The following LYPD6B variants were observed in gnomAD, a reference collection of about 807,000 sequenced individuals.
The protein encoded by LYPD6B is ly6/PLAUR domain-containing protein 6B.
A neutral mutation model predicts 22.8 loss-of-function variants in LYPD6B; 17 were observed. The observed-to-expected ratio is 0.75, with a 90% CI of 0.51 to 1.12. LYPD6B has a LOEUF of 1.12. Ranked by LOEUF, LYPD6B falls within the 50% of genes most tolerant of loss-of-function variation. The probability of loss-of-function intolerance (pLI) is 0.00; values close to 1 mark genes in which losing one functional copy is unlikely to be tolerated. For missense variants in LYPD6B, 221 were observed against 258.3 expected, an observed-to-expected ratio of 0.86 and a Z score of 0.99; for synonymous variants, 106 against 91.6, an observed-to-expected ratio of 1.16 and a Z score of -0.90.
At chr2:149,103,020 T>C (rs1451222866) in intron 1 of LYPD6B, among the ~76,000 whole-genome samples, 12 of 152,198 alleles carry the variant, frequency 7.9e-5, no homozygotes, top group Non-Finnish European at 1.5e-4. Flanking sequence ...TTCCCACACA[T>C]GAATATACTT....
intron 2 of LYPD6B, among the ~76,000 whole-genome samples, chr2:149,157,576 T>G (rs1168301659): frequency 6.6e-6 from 1 of 152,190 alleles, no homozygotes; most frequent in East Asian, 1.9e-4. Context: ...AATGGTTGTT[T>G]TTTGTTGACT....
chr2:149,056,149 G>A (rs565016432), intron 1 of LYPD6B, among the ~76,000 whole-genome samples: 1 of 152,318 alleles, frequency 6.6e-6, no homozygotes, highest in Non-Finnish European at 1.5e-5. Flanking sequence ...GTAACACATA[G>A]GTGCCAAGGA....
chr2:149,066,748 T>G (rs950562079), intron 1 of LYPD6B, among the ~76,000 whole-genome samples: 1 of 152,054 alleles, frequency 6.6e-6, no homozygotes, highest in African/African-American at 2.4e-5. Context: ...CTCCCTTCTC[T>G]TCTCTTCTCT....
chr2:149,164,918 A>T (rs1447072001), intron 3 of LYPD6B, among the ~76,000 whole-genome samples: 1 of 152,232 alleles, frequency 6.6e-6, no homozygotes. Flanking sequence ...ACCACCTCAT[A>T]CATAGTGGCT....
intron 1 of LYPD6B, among the ~76,000 whole-genome samples, chr2:149,097,675 T>G (rs2377509): frequency 1.3e-5 from 2 of 151,968 alleles, no homozygotes; most frequent in African/African-American, 4.8e-5. Flanking sequence ...GTAGATGTAA[T>G]CAGGCATAAT....
chr2:149,118,434 C>T (rs1020073903), intron 1 of LYPD6B, among the ~76,000 whole-genome samples: 1 of 152,204 alleles, frequency 6.6e-6, no homozygotes, highest in African/African-American at 2.4e-5. Flanking sequence ...AGACTATTTG[C>T]TCGAGTAAGG....
At chr2:149,047,506 C>A (rs1373933772) in intron 1 of LYPD6B, among the ~76,000 whole-genome samples, 1 of 151,902 alleles carries the variant, frequency 6.6e-6, no homozygotes, top group African/African-American at 2.4e-5. Context: ...TCTTTTGCTG[C>A]TTTCAAGATT....
At chr2:149,052,310 A>C (rs1030253010) in intron 1 of LYPD6B, among the ~76,000 whole-genome samples, 2 of 152,098 alleles carry the variant, frequency 1.3e-5, no homozygotes, top group South Asian at 2.1e-4. Context: ...CCGCCTCAGC[A>C]TCCCAAAGTG....
intron 3 of LYPD6B, among the ~76,000 whole-genome samples, chr2:149,181,937 T>C (rs1360438572): frequency 6.6e-6 from 1 of 152,196 alleles, no homozygotes; most frequent in Non-Finnish European, 1.5e-5. Flanking sequence ...GCAGCAAGAT[T>C]ATGGAACCAG....
chr2:149,186,011 T>A (rs1195251737), intron 3 of LYPD6B, among the ~76,000 whole-genome samples: 1 of 152,246 alleles, frequency 6.6e-6, no homozygotes, highest in Non-Finnish European at 1.5e-5. Flanking sequence ...GCTTCCCTAT[T>A]CCTTGAGACA....
In LYPD6B at chr2:149,156,727, A is replaced by G. The variant is rs117655867; in HGVS notation, c.6-4037A>G. On this transcript the variant is annotated intron_variant, in intron 2 of 6. Coordinates refer to ENST00000409642, the MANE Select transcript of LYPD6B (RefSeq NM_177964.5). Reference sequence around the variant, plus strand: ...AATTACCTCTTAAGACTCTCCAGATACATCACATTCTGAGGTACTAGGGAT... The same window carrying G: ...AATTACCTCTTAAGACTCTCCAGATGCATCACATTCTGAGGTACTAGGGAT... Among the ~76,000 whole-genome samples, 226 of 152,314 alleles carry G rather than the reference A, an allele frequency of 1.5e-3. 6 individuals are homozygous for G. In the East Asian group the frequency reaches 0.041, roughly 27 times the overall value.
intron 1 of LYPD6B, among the ~76,000 whole-genome samples, chr2:149,072,801 G>C (rs1324895847): frequency 6.6e-6 from 1 of 151,900 alleles, no homozygotes; most frequent in African/African-American, 2.4e-5. Flanking sequence ...TCTCCCAAAG[G>C]GCTAGGATTA....
intron 3 of LYPD6B, among the ~76,000 whole-genome samples, chr2:149,191,693 G>A (rs760656154): frequency 1.2e-4 from 18 of 152,196 alleles, no homozygotes; most frequent in Non-Finnish European, 2.2e-4. Flanking sequence ...TTACAATGCA[G>A]CCTTTTCAGG....
At chr2:149,148,226 C>T (rs1413140770) in intron 2 of LYPD6B, among the ~76,000 whole-genome samples, 1 of 152,092 alleles carries the variant, frequency 6.6e-6, no homozygotes, top group East Asian at 1.9e-4. Flanking sequence ...TTTAGGTGAA[C>T]CCTTGCTTAG....
At chr2:149,096,293 G>A (rs1314591556) in intron 1 of LYPD6B, among the ~76,000 whole-genome samples, 1 of 152,216 alleles carries the variant, frequency 6.6e-6, no homozygotes, top group East Asian at 1.9e-4. Context: ...GACAGGGAGA[G>A]AGAGAAAAAT....
At chr2:149,186,599 TTTTG>T (rs558641639) in intron 3 of LYPD6B, among the ~76,000 whole-genome samples, 2 of 152,214 alleles carry the variant, frequency 1.3e-5, no homozygotes, top group South Asian at 2.1e-4. Context: ...AACAACAGTT[TTTTG>T]TTTGTTTGTT....
At chr2:149,173,459 C>A (rs1691010634) in intron 3 of LYPD6B, among the ~76,000 whole-genome samples, 1 of 142,018 alleles carries the variant, frequency 7.0e-6, no homozygotes, top group East Asian at 2.2e-4. Context: ...TATCTTCATT[C>A]AAGTAATTCA....
At chr2:149,097,799 G>A (rs1448930525) in intron 1 of LYPD6B, among the ~76,000 whole-genome samples, 1 of 152,152 alleles carries the variant, frequency 6.6e-6, no homozygotes. Flanking sequence ...AGCAGCTTTG[G>A]GAAAAGTCAA....
At chr2:149,137,812 T>C (rs1460007230) in intron 2 of LYPD6B, among the ~76,000 whole-genome samples, 1 of 152,204 alleles carries the variant, frequency 6.6e-6, no homozygotes, top group Non-Finnish European at 1.5e-5. Context: ...TTATAATAGA[T>C]TGCTGGAAGT....
Sources: allele counts gnomAD v4.1 joint callset (sites outside exome capture counted in the v4.1 genomes callset), GRCh38; gene constraint gnomAD v4.1.1; transcripts MANE v1.5; gene names NCBI Gene and HGNC (gene_info 2026-07-23, HGNC 2026-07-21).